Variants in USP15 observed in about 807,000 individuals in gnomAD.
USP15 encodes the protein ubiquitin carboxyl-terminal hydrolase 15.
In USP15, 18 loss-of-function variants were observed where a neutral mutation model predicts 127.1. The ratio of observed to expected loss-of-function variants is 0.14; its 90% CI spans 0.10 to 0.21. The LOEUF is 0.21. Ranked by LOEUF, USP15 falls within the 10% of genes least tolerant of loss-of-function variation. The pLI is 1.00. For missense variants in USP15, 805 were observed against 1,159.9 expected (o/e 0.69, Z 4.44); for synonymous variants, 364 against 393.7 (o/e 0.92, Z 0.89).
At position 62,302,770 on chromosome 12, in the gene USP15, GTTTAT is replaced by G; in HGVS notation, c.218-16_218-12del. 1 of 1,598,148 alleles carries G rather than the reference GTTTAT, an allele frequency of 6.3e-7. No homozygotes were observed. Among genetic ancestry groups the G allele is most frequent in the Non-Finnish European group, 8.5e-7 (1 of 1,170,432 alleles). ...CAAAGTATTTAGAGTTAGGTATTGA[GTTTAT>G]TTTTTCTTTTGCAGATGGTGATGCC... On this transcript the variant is annotated splice_polypyrimidine_tract_variant and intron_variant, in intron 2 of 21. Transcript: ENST00000280377.
intron 8 of USP15, among the ~76,000 whole-genome samples, chr12:62,374,123 T>C (rs1336678032): frequency 6.6e-6 from 1 of 151,902 alleles, no homozygotes; most frequent in African/African-American, 2.4e-5. Flanking sequence ...AACCTTAAAA[T>C]CCAGAAAAAA....
chr12:62,370,020 G>C (rs2066610420), intron 8 of USP15, among the ~76,000 whole-genome samples: 1 of 152,108 alleles, frequency 6.6e-6, no homozygotes, highest in African/African-American at 2.4e-5. Flanking sequence ...GTATCACCAG[G>C]CTGGAGTGCA....
intron 19 of USP15, 129 bp from the exon 20 acceptor site, chr12:62,396,166 A>G (rs1191332682): frequency 4.9e-6 from 2 of 405,906 alleles, no homozygotes; most frequent in East Asian, 4.7e-5. Context: ...ATATATATAT[A>G]TAGATAGATA....
chr12:62,301,970 T>C (rs1342064136), intron 2 of USP15, among the ~76,000 whole-genome samples: 1 of 152,224 alleles, frequency 6.6e-6, no homozygotes, highest in African/African-American at 2.4e-5. Context: ...ATTAGGACTG[T>C]GATGTAGGTA....
At chr12:62,372,185 GA>G (rs769912833) in intron 8 of USP15, among the ~76,000 whole-genome samples, 47 of 152,182 alleles carry the variant, frequency 3.1e-4, no homozygotes, top group Non-Finnish European at 5.9e-4. Flanking sequence ...ATTTTAGTAA[GA>G]ATTATAGCAC....
chr12:62,393,023 C>G, intron 18 of USP15, 30 bp from the exon 19 acceptor site: 1 of 1,607,744 alleles, frequency 6.2e-7, no homozygotes, highest in South Asian at 1.1e-5. Flanking sequence ...GTACCTCTAT[C>G]AAGTGTTAAA....
intron 11 of USP15, among the ~76,000 whole-genome samples, chr12:62,388,117 A>ATTTTTTTTTTTTTTTTTTTTTTTTT (rs58192089): frequency 1.0e-4 from 11 of 106,586 alleles, no homozygotes; most frequent in Non-Finnish European, 9.0e-5. Flanking sequence ...AATGGTGAAG[A>ATTTTTTTTTTTTTTTTTTTTTTTTT]TTTTTTTTTT....
intron 8 of USP15, among the ~76,000 whole-genome samples, chr12:62,356,690 G>A (rs1229922696): frequency 1.3e-5 from 2 of 151,990 alleles, no homozygotes; most frequent in Non-Finnish European, 2.9e-5. Flanking sequence ...TCATAGTATA[G>A]TGTGAATTAC....
chr12:62,301,989 GAAATTTCTTCT>G (rs1338307847), intron 2 of USP15, among the ~76,000 whole-genome samples: 1 of 152,206 alleles, frequency 6.6e-6, no homozygotes, highest in Non-Finnish European at 1.5e-5. Context: ...TATGGTTCCA[GAAATTTCTTCT>G]AGATCTGTGG....
intron 1 of USP15, among the ~76,000 whole-genome samples, chr12:62,276,518 A>G (rs182162933): frequency 8.7e-4 from 132 of 152,172 alleles, no homozygotes; most frequent in African/African-American, 3.0e-3. Context: ...AAAGGGTAAT[A>G]ATCTGTCCTT....
intron 19 of USP15, among the ~76,000 whole-genome samples, 189 bp from the exon 20 acceptor site, chr12:62,396,106 A>T (rs1053892736): frequency 1.3e-5 from 2 of 152,000 alleles, no homozygotes; most frequent in African/African-American, 4.8e-5. Context: ...AGGTACATGT[A>T]TGATTTGTTT....
chr12:62,290,308 G>A (rs2063923540), intron 1 of USP15, among the ~76,000 whole-genome samples: 1 of 151,918 alleles, frequency 6.6e-6, no homozygotes, highest in Non-Finnish European at 1.5e-5. Context: ...TCTGGTGTTG[G>A]GTACATATAT....
chr12:62,266,364 A>G (rs2063192501), intron 1 of USP15, among the ~76,000 whole-genome samples: 1 of 152,176 alleles, frequency 6.6e-6, no homozygotes, highest in Non-Finnish European at 1.5e-5. Context: ...TTAAATCCAT[A>G]TGAACCACTC....
At chr12:62,336,885 C>G (rs1303552692) in intron 6 of USP15, among the ~76,000 whole-genome samples, 1 of 152,140 alleles carries the variant, frequency 6.6e-6, no homozygotes, top group African/African-American at 2.4e-5. Context: ...CAAAACTTGA[C>G]TAGTGGTGGT....
chr12:62,321,914 T>C (rs2064996696), intron 5 of USP15, among the ~76,000 whole-genome samples: 1 of 152,200 alleles, frequency 6.6e-6, no homozygotes, highest in African/African-American at 2.4e-5. Context: ...GCATCTCTTA[T>C]TTACACAGTT....
intron 11 of USP15, among the ~76,000 whole-genome samples, chr12:62,389,052 G>A (rs1458117475): frequency 6.8e-6 from 1 of 147,014 alleles, no homozygotes; most frequent in Non-Finnish European, 1.5e-5. Flanking sequence ...TTGAGCCCGG[G>A]AGGTTGAGGC....
At chr12:62,389,402 A>C (rs764957968) in intron 11 of USP15, 29 bp from the exon 12 acceptor site, 22 of 1,580,852 alleles carry the variant, frequency 1.4e-5, no homozygotes, top group Non-Finnish European at 1.6e-5. Flanking sequence ...CAAAATAATA[A>C]ATTCATTACA....
At chr12:62,277,822 C>A (rs2063536897) in intron 1 of USP15, among the ~76,000 whole-genome samples, 1 of 152,080 alleles carries the variant, frequency 6.6e-6, no homozygotes, top group Admixed American at 6.6e-5. Context: ...ACAAGCTTGG[C>A]CTAGTGCATT....
intron 2 of USP15, among the ~76,000 whole-genome samples, chr12:62,295,150 G>A (rs1243959915): frequency 2.6e-5 from 4 of 152,218 alleles, no homozygotes; most frequent in African/African-American, 9.6e-5. Flanking sequence ...CCCCCATAGG[G>A]TTGCTCTTAA....
Sources: allele counts gnomAD v4.1 joint callset (sites outside exome capture counted in the v4.1 genomes callset), GRCh38; gene constraint gnomAD v4.1.1; transcripts MANE v1.5; gene names NCBI Gene and HGNC (gene_info 2026-07-23, HGNC 2026-07-21).